Variants in LRRC9 observed in about 807,000 individuals in gnomAD.
LRRC9 encodes leucine rich repeat containing 9.
In LRRC9, 122 loss-of-function variants were observed where a neutral mutation model predicts 63.2. The observed-to-expected ratio is 1.93, with a 90% CI of 1.67 to 2.24. The LOEUF (loss-of-function observed/expected upper bound fraction) is 2.24. Ranked by LOEUF, LRRC9 falls within the 30% of genes most tolerant of loss-of-function variation. The pLI, the probability that LRRC9 is intolerant of heterozygous loss-of-function variation, is 0.00. For missense variants in LRRC9, 1,071 were observed against 627.7 expected (o/e 1.71, Z -7.55); for synonymous variants, 366 against 213.1 (o/e 1.72, Z -6.25).
chr14:59,967,435 T>C (rs1171911742), intron 12 of LRRC9, among the ~76,000 whole-genome samples: 2 of 152,212 alleles, frequency 1.3e-5, no homozygotes, highest in African/African-American at 4.8e-5. Flanking sequence ...ACGTAATCCT[T>C]CTAGGCATCT....
chr14:60,007,001 A>G (rs1017196507), intron 22 of LRRC9, among the ~76,000 whole-genome samples: 1 of 152,184 alleles, frequency 6.6e-6, no homozygotes, highest in Non-Finnish European at 1.5e-5. Context: ...CACTAATTTA[A>G]GGCTGTTGTG....
chr14:60,013,870 C>A (rs1228229280), intron 23 of LRRC9, among the ~76,000 whole-genome samples: 1 of 152,050 alleles, frequency 6.6e-6, no homozygotes, highest in African/African-American at 2.4e-5. Context: ...TAATTTTTAT[C>A]TTTTAATTGA....
chr14:59,938,399 A>G lies in LRRC9; in HGVS notation c.553A>G (p.Asn185Asp). 1 of 686,556 alleles carries G rather than the reference A, an allele frequency of 1.5e-6. No homozygotes were observed. The highest frequency in any genetic ancestry group is 1.8e-5 in the African/African-American group (1 of 56,162). 42.5% of individuals were successfully genotyped at this position (686,556 alleles called of 1,614,324 possible). The change falls in exon 7 of 32, where the codon AAC becomes GAC. Residue 185 changes from asparagine (N) to aspartate (D), a missense_variant. Coordinates refer to ENST00000445360, the Ensembl canonical transcript of LRRC9. This position sits in a 1 kb window ranked among gnomAD's most constrained non-coding sequence, Gnocchi z 4.2. ...TTTGCTGGCATTTTAGGAACTCACG[A>G]ACTTAACCAGGCTGCCTTGCTTAAA...
At chr14:60,005,326 C>T (rs982370195) in intron 21 of LRRC9, among the ~76,000 whole-genome samples, 1 of 152,066 alleles carries the variant, frequency 6.6e-6, no homozygotes, top group African/African-American at 2.4e-5. Flanking sequence ...CACTAGTCTC[C>T]CATTCCCATA....
At chr14:59,931,748 C>A (rs2139784225) in intron 5 of LRRC9, 66 bp downstream of exon 5, 1 of 632,940 alleles carries the variant, frequency 1.6e-6, no homozygotes, top group South Asian at 1.8e-5. Flanking sequence ...ATAAAAAGTA[C>A]ATGCTTAGAT....
In LRRC9 at chr14:59,927,557, T is replaced by G. The variant is rs961183922; in HGVS notation, c.-33-354T>G. ...AGAGCCTGTTCAAAGGAGAGAAACATGAGTATATAGTGAGAGAACTAACAA... is the reference window on the plus strand; with the variant it reads ...AGAGCCTGTTCAAAGGAGAGAAACAGGAGTATATAGTGAGAGAACTAACAA... On this transcript the variant is annotated intron_variant, in intron 1 of 31. Transcript: ENST00000445360. The surrounding 1 kb of genome is among the most constrained non-coding windows in gnomAD (Gnocchi z 4.4). 2.6e-5 allele frequency among the ~76,000 whole-genome samples: 4 copies of G among 152,000 alleles called. No individual in the cohort carries two copies. The highest frequency in any genetic ancestry group is 5.9e-5 in the Non-Finnish European group (4 of 67,918).
intron 15 of LRRC9, among the ~76,000 whole-genome samples, chr14:59,980,103 T>C (rs1158862387): frequency 1.3e-5 from 2 of 152,182 alleles, no homozygotes; most frequent in Admixed American, 1.3e-4. Flanking sequence ...AAAAAGCCTG[T>C]AATAAATATT....
chr14:60,039,560 T>C (rs1462866332), intron 29 of LRRC9, among the ~76,000 whole-genome samples: 2 of 152,198 alleles, frequency 1.3e-5, no homozygotes, highest in African/African-American at 2.4e-5. Flanking sequence ...TAGAGGTGTT[T>C]ATAGTATTCT....
At chr14:60,014,189 C>T (rs566720021) in intron 23 of LRRC9, among the ~76,000 whole-genome samples, 17 of 151,964 alleles carry the variant, frequency 1.1e-4, no homozygotes, top group African/African-American at 4.1e-4. Flanking sequence ...TGTTACTTTC[C>T]TTCCAGTCTA....
intron 10 of LRRC9, among the ~76,000 whole-genome samples, chr14:59,965,565 T>G (rs1884745825): frequency 6.6e-6 from 1 of 152,018 alleles, no homozygotes; most frequent in Non-Finnish European, 1.5e-5. Flanking sequence ...GGATTTTAGA[T>G]GTAGAGCCAG....
chr14:59,972,178 A>G (rs893635458), intron 12 of LRRC9, among the ~76,000 whole-genome samples: 5 of 152,008 alleles, frequency 3.3e-5, no homozygotes, highest in Admixed American at 3.3e-4. Flanking sequence ...TTCTATTTTT[A>G]CCCTGTAACA....
chr14:59,937,515 G>A (rs1389203353), intron 6 of LRRC9, among the ~76,000 whole-genome samples: 1 of 152,120 alleles, frequency 6.6e-6, no homozygotes, highest in Admixed American at 6.6e-5. Flanking sequence ...GGCTCTGACA[G>A]ATTAAAAGGT....
chr14:59,976,430 G>A (rs1350108240), intron 13 of LRRC9, among the ~76,000 whole-genome samples: 1 of 152,078 alleles, frequency 6.6e-6, no homozygotes, highest in Non-Finnish European at 1.5e-5. Flanking sequence ...TGACATTCTA[G>A]GTTCCAGATT....
intron 8 of LRRC9, among the ~76,000 whole-genome samples, chr14:59,953,847 A>C (rs572755751): frequency 6.6e-6 from 1 of 152,202 alleles, no homozygotes; most frequent in Non-Finnish European, 1.5e-5. Flanking sequence ...ATAAGGCTTA[A>C]GGAAGGGGTC....
chr14:60,037,718 C>T (rs1281336168), intron 29 of LRRC9, among the ~76,000 whole-genome samples: 1 of 152,170 alleles, frequency 6.6e-6, no homozygotes, highest in African/African-American at 2.4e-5. Context: ...CTGCAGGTTG[C>T]CTGTTCACTC....
intron 8 of LRRC9, among the ~76,000 whole-genome samples, chr14:59,955,309 C>T (rs919106241): frequency 2.6e-5 from 4 of 152,148 alleles, no homozygotes; most frequent in African/African-American, 9.7e-5. Flanking sequence ...TAATGACTGC[C>T]TCAATTTCAG....
At position 59,931,192 on chromosome 14, in the gene LRRC9, A is replaced by G. The variant is rs1889673534; in HGVS notation, c.408+134A>G. ...AGTACAATTATTGTTGTCAAAAAGA[A>G]CTAACATGTATATAGCATTTTATAA... On this transcript the variant is annotated intron_variant, in intron 4 of 31. Transcript: ENST00000445360. 1.4e-5 allele frequency: 4 copies of G among 294,588 alleles called. No individual in the cohort carries two copies. In the South Asian group the frequency reaches 3.9e-4, roughly 29 times the overall value. 18.2% of individuals were successfully genotyped at this position (294,588 alleles called of 1,614,324 possible).
At chr14:59,937,695 G>C (rs1881186963) in intron 6 of LRRC9, among the ~76,000 whole-genome samples, 1 of 152,098 alleles carries the variant, frequency 6.6e-6, no homozygotes, top group African/African-American at 2.4e-5. Context: ...TCAAGAGCCA[G>C]ATGACAAATA....
intron 29 of LRRC9, among the ~76,000 whole-genome samples, chr14:60,040,145 T>C (rs1490715592): frequency 6.6e-6 from 1 of 151,942 alleles, no homozygotes; most frequent in Non-Finnish European, 1.5e-5. Flanking sequence ...TAATTTCTGT[T>C]CTTTTATATT....
Sources: allele counts gnomAD v4.1 joint callset (sites outside exome capture counted in the v4.1 genomes callset), GRCh38; gene constraint gnomAD v4.1.1; non-coding constraint Gnocchi (gnomAD v3.1); transcripts MANE v1.5; gene names NCBI Gene and HGNC (gene_info 2026-07-23, HGNC 2026-07-21).